Variants in DNAJC6 observed in about 807,000 individuals in gnomAD.
The protein encoded by DNAJC6 is auxilin.
A neutral mutation model predicts 110.0 loss-of-function variants in DNAJC6; 34 were observed. The ratio of observed to expected loss-of-function variants is 0.31; its 90% confidence interval spans 0.24 to 0.41. The LOEUF is 0.41. DNAJC6 is among the 10% of genes least tolerant of loss of function. DNAJC6 has a pLI of 1.00. For missense variants in DNAJC6, 1,031 were observed against 1,207.8 expected (o/e 0.85, Z 2.17); for synonymous variants, 406 against 437.2 (o/e 0.93, Z 0.89).
At chr1:65,385,542 G>A (rs1645863030) in intron 6 of DNAJC6, among the ~76,000 whole-genome samples, 170 bp from the exon 7 acceptor site, 1 of 152,178 alleles carries the variant, frequency 6.6e-6, no homozygotes, top group African/African-American at 2.4e-5. Context: ...TAGATAAAAT[G>A]TTTCCTAAAT....
chr1:65,340,756 C>T (rs188979232), intron 1 of DNAJC6, among the ~76,000 whole-genome samples: 12 of 152,258 alleles, frequency 7.9e-5, no homozygotes, highest in Admixed American at 3.3e-4. Flanking sequence ...CCGACTCTGC[C>T]TGACCTTCAT....
At chr1:65,312,893 G>A (rs963038230) in intron 1 of DNAJC6, among the ~76,000 whole-genome samples, 5 of 152,010 alleles carry the variant, frequency 3.3e-5, no homozygotes, top group Admixed American at 6.6e-5. Context: ...TCCACCTCCC[G>A]GGTTCAGACA....
chr1:65,315,543 T>C (rs1302448317), intron 1 of DNAJC6, among the ~76,000 whole-genome samples: 14 of 152,300 alleles, frequency 9.2e-5, no homozygotes, highest in African/African-American at 3.4e-4. Context: ...ACCATTAGAA[T>C]TATAATAAAA....
At position 65,413,338 on chromosome 1, in the gene DNAJC6, A is replaced by G. The variant is rs1032860159; in HGVS notation, c.*313A>G. Reference sequence around the variant, plus strand: ...GGGGAAATGGAAAACAGAGGCCACCACCCATGAAGGCATAACACCCATCAC... The same window carrying G: ...GGGGAAATGGAAAACAGAGGCCACCGCCCATGAAGGCATAACACCCATCAC... On this transcript the variant is annotated 3_prime_UTR_variant, in exon 19 of 19. Transcript: ENST00000371069. 3.7e-6 allele frequency: 1 copy of G among 269,928 alleles called. No homozygotes were observed. The allele number at this position is 269,928 out of a possible 1,614,324, so 16.7% of individuals were successfully genotyped here. A position where few individuals can be genotyped will look rare whatever the true frequency, so the allele number is the denominator to read the frequency against.
At chr1:65,366,490 G>T (rs949998306) in intron 4 of DNAJC6, among the ~76,000 whole-genome samples, 1 of 152,184 alleles carries the variant, frequency 6.6e-6, no homozygotes, top group African/African-American at 2.4e-5. Context: ...GCTTAAGTTG[G>T]AGATTGAACT....
intron 1 of DNAJC6, among the ~76,000 whole-genome samples, chr1:65,312,500 G>A (rs1460262798): frequency 1.3e-5 from 2 of 152,162 alleles, no homozygotes; most frequent in African/African-American, 4.8e-5. Context: ...GCAGTAATCT[G>A]CCCATTTATT....
At chr1:65,318,307 G>T (rs1017680939) in intron 1 of DNAJC6, among the ~76,000 whole-genome samples, 1 of 151,326 alleles carries the variant, frequency 6.6e-6, no homozygotes, top group African/African-American at 2.4e-5. Context: ...TAAAATATAT[G>T]TTTTTTTTTC....
intron 17 of DNAJC6, among the ~76,000 whole-genome samples, chr1:65,409,931 T>C (rs1231123991): frequency 6.6e-6 from 1 of 152,158 alleles, no homozygotes; most frequent in Non-Finnish European, 1.5e-5. Context: ...ACCCCTTTGT[T>C]TCACAGCTGA....
chr1:65,266,880 G>C (rs1392186375), intron 1 of DNAJC6, among the ~76,000 whole-genome samples: 2 of 151,800 alleles, frequency 1.3e-5, no homozygotes, highest in African/African-American at 4.9e-5. Context: ...TTTTTCTAAG[G>C]AGAGTTGGTA....
intron 1 of DNAJC6, among the ~76,000 whole-genome samples, chr1:65,287,793 A>G (rs957776788): frequency 2.0e-5 from 3 of 151,946 alleles, no homozygotes; most frequent in African/African-American, 7.3e-5. Flanking sequence ...TTGTAGAGAC[A>G]GAGTTTCACC....
intron 5 of DNAJC6, among the ~76,000 whole-genome samples, chr1:65,382,347 T>A (rs953983932): frequency 1.3e-5 from 2 of 152,216 alleles, no homozygotes; most frequent in African/African-American, 2.4e-5. Context: ...AATATCTGCT[T>A]CCAAAGGTAG....
chr1:65,320,724 G>T (rs1051327672), intron 1 of DNAJC6, among the ~76,000 whole-genome samples: 1 of 152,198 alleles, frequency 6.6e-6, no homozygotes, highest in Non-Finnish European at 1.5e-5. Context: ...TGCATGAGCA[G>T]TGAACAAAGA....
Position 65,387,037 on chromosome 1 carries a change from G to C in DNAJC6, c.1113+108G>C, listed in dbSNP as rs1645879635. 3 of 916,786 alleles carry C rather than the reference G, an allele frequency of 3.3e-6. No individual in the cohort carries two copies. The Admixed American group carries it at 5.9e-5, about 18-fold the overall frequency. The allele number at this position is 916,786 out of a possible 1,614,324, so 56.8% of individuals were successfully genotyped here. ...TGGGCTTGAGTCACTTGTAGTTTTA[G>C]AATGAAAAAGAGCGTTTAAAGATTG... On this transcript the variant is annotated intron_variant, in intron 8 of 18. Transcript: ENST00000371069.
At chr1:65,314,733 C>T (rs1211868935) in intron 1 of DNAJC6, among the ~76,000 whole-genome samples, 1 of 152,242 alleles carries the variant, frequency 6.6e-6, no homozygotes, top group Non-Finnish European at 1.5e-5. Flanking sequence ...GGTGATCCGC[C>T]TGCCTCAGCC....
intron 1 of DNAJC6, among the ~76,000 whole-genome samples, chr1:65,265,702 G>C (rs1653293882): frequency 2.0e-5 from 3 of 152,216 alleles, no homozygotes; most frequent in Non-Finnish European, 4.4e-5. Context: ...CCGCAGTTGG[G>C]GGAGGAGCGA....
chr1:65,352,080 A>G (rs1645496085), intron 1 of DNAJC6, among the ~76,000 whole-genome samples: 1 of 152,116 alleles, frequency 6.6e-6, no homozygotes. Context: ...AAACATTTTC[A>G]ATATGTAGTT....
At chr1:65,273,504 C>T (rs1371495365) in intron 1 of DNAJC6, among the ~76,000 whole-genome samples, 2 of 151,798 alleles carry the variant, frequency 1.3e-5, no homozygotes, top group Non-Finnish European at 2.9e-5. Flanking sequence ...GAGGCTGAGG[C>T]AGAATTGCTT....
intron 1 of DNAJC6, among the ~76,000 whole-genome samples, chr1:65,346,583 T>G (rs1297650689): frequency 1.3e-5 from 2 of 152,066 alleles, no homozygotes; most frequent in African/African-American, 2.4e-5. Context: ...TTATAGTTGG[T>G]GCCTTAGGAA....
At chr1:65,358,964 G>C (rs1645573313) in intron 1 of DNAJC6, among the ~76,000 whole-genome samples, 1 of 152,072 alleles carries the variant, frequency 6.6e-6, no homozygotes, top group Non-Finnish European at 1.5e-5. Context: ...AGCATATGAG[G>C]GGATGATCAC....
Sources: allele counts gnomAD v4.1 joint callset (sites outside exome capture counted in the v4.1 genomes callset), GRCh38; gene constraint gnomAD v4.1.1; transcripts MANE v1.5; gene names NCBI Gene and HGNC (gene_info 2026-07-23, HGNC 2026-07-21).